RAB12: variants seen among roughly 807,000 people sequenced by gnomAD.
RAB12 encodes ras-related protein Rab-12.
In RAB12, 11 loss-of-function variants were observed where a neutral mutation model predicts 28.4. That is an observed-to-expected ratio of 0.39 (90% CI 0.24 to 0.64). The LOEUF is 0.64. Among genes scored for constraint, RAB12 ranks in the 30% least tolerant of loss-of-function variants. The pLI is 0.50. For synonymous variants in RAB12, 138 were observed against 145.3 expected, an observed-to-expected ratio of 0.95 and a Z score of 0.36; for missense variants, 276 against 351.1, an observed-to-expected ratio of 0.79 and a Z score of 1.71.
chr18:8,625,321 T>G (rs569556955), intron 2 of RAB12, among the ~76,000 whole-genome samples: 130 of 152,360 alleles, frequency 8.5e-4, no homozygotes, highest in African/African-American at 2.9e-3. Context: ...GCTCAAATGT[T>G]TGTCTTCATG....
intron 1 of RAB12, among the ~76,000 whole-genome samples, chr18:8,624,251 G>A (rs2096011476): frequency 6.6e-6 from 1 of 152,218 alleles, no homozygotes; most frequent in Non-Finnish European, 1.5e-5. Context: ...TAACTGGAAG[G>A]CATATAAGGT....
intron 1 of RAB12, among the ~76,000 whole-genome samples, chr18:8,614,713 G>A (rs1323437354): frequency 6.6e-6 from 1 of 152,074 alleles, no homozygotes; most frequent in Non-Finnish European, 1.5e-5. Flanking sequence ...AGCCTCCCAA[G>A]TAACTGGGAT....
At chr18:8,635,010 AAAG>A (rs2096018084) in intron 3 of RAB12, among the ~76,000 whole-genome samples, 1 of 152,380 alleles carries the variant, frequency 6.6e-6, no homozygotes, top group African/African-American at 2.4e-5. Flanking sequence ...GCACAAAAGT[AAAG>A]AAGAAATCTG....
At chr18:8,633,562 T>C (rs2096017163) in intron 3 of RAB12, among the ~76,000 whole-genome samples, 1 of 152,158 alleles carries the variant, frequency 6.6e-6, no homozygotes, top group Admixed American at 6.5e-5. Flanking sequence ...CTGTCTCAAC[T>C]ACAGAGGCCA....
chr18:8,622,949 C>G (rs577447630), intron 1 of RAB12, among the ~76,000 whole-genome samples: 1 of 152,308 alleles, frequency 6.6e-6, no homozygotes, highest in South Asian at 2.1e-4. Flanking sequence ...CTGTTCCGCC[C>G]GGCTCACCAG....
At chr18:8,638,118 A>T in intron 5 of RAB12, 31 bp from the exon 6 acceptor site, 1 of 1,492,280 alleles carries the variant, frequency 6.7e-7, no homozygotes, top group South Asian at 1.1e-5. Flanking sequence ...TAAAGTTAAA[A>T]CGGATTTTTT....
At chr18:8,616,462 T>C (rs1365635559) in intron 1 of RAB12, among the ~76,000 whole-genome samples, 1 of 151,958 alleles carries the variant, frequency 6.6e-6, no homozygotes, top group Non-Finnish European at 1.5e-5. Flanking sequence ...AGAAAATGTT[T>C]TCCCTCCAAC....
At chr18:8,632,282 C>CAA (rs397859076) in intron 2 of RAB12, among the ~76,000 whole-genome samples, 14 of 58,766 alleles carry the variant, frequency 2.4e-4, no homozygotes, top group South Asian at 6.7e-4. Context: ...ACTCTGTCTC[C>CAA]AAAAAAAAAA....
intron 1 of RAB12, among the ~76,000 whole-genome samples, chr18:8,619,539 C>G (rs966355481): frequency 6.6e-6 from 1 of 152,228 alleles, no homozygotes; most frequent in African/African-American, 2.4e-5. Flanking sequence ...AACAGCTTGG[C>G]TGTGGGAGCT....
At chr18:8,616,623 T>C (rs1234964154) in intron 1 of RAB12, among the ~76,000 whole-genome samples, 1 of 152,178 alleles carries the variant, frequency 6.6e-6, no homozygotes, top group Non-Finnish European at 1.5e-5. Context: ...CTTCAAGCCA[T>C]GTGTGTGGTA....
At chr18:8,634,780 G>T (rs956236663) in intron 3 of RAB12, among the ~76,000 whole-genome samples, 32 of 152,336 alleles carry the variant, frequency 2.1e-4, no homozygotes, top group Non-Finnish European at 3.8e-4. Context: ...CTGCGTAACT[G>T]GCCCACGGCC....
intron 1 of RAB12, 55 bp downstream of exon 1, chr18:8,610,008 C>T (rs1336388867): frequency 5.7e-6 from 8 of 1,411,114 alleles, no homozygotes; most frequent in Admixed American, 5.3e-5. Flanking sequence ...GGCAGGTGCC[C>T]TTCGCCCCGT....
intron 3 of RAB12, chr18:8,635,310 G>A: frequency 2.6e-6 from 1 of 379,460 alleles, no homozygotes; most frequent in Non-Finnish European, 4.7e-6. Context: ...ACAGCCAAGA[G>A]CATTGTGGTT....
intron 4 of RAB12, 57 bp from the exon 5 acceptor site, chr18:8,636,196 T>G (rs2096018796): frequency 8.6e-7 from 1 of 1,166,822 alleles, no homozygotes. Context: ...GACCTCATGC[T>G]CGCACGCTGG....
intron 1 of RAB12, among the ~76,000 whole-genome samples, chr18:8,622,949 C>T (rs577447630): frequency 3.9e-5 from 6 of 152,190 alleles, no homozygotes; most frequent in Admixed American, 3.3e-4. Context: ...CTGTTCCGCC[C>T]GGCTCACCAG....
At chr18:8,634,842 C>T (rs953673022) in intron 3 of RAB12, among the ~76,000 whole-genome samples, 17 of 152,134 alleles carry the variant, frequency 1.1e-4, no homozygotes, top group East Asian at 1.9e-4. Flanking sequence ...CTTTTTAGAA[C>T]GACAAGTTAG....
chr18:8,620,139 CTT>C (rs71165795), intron 1 of RAB12, among the ~76,000 whole-genome samples: 75 of 53,946 alleles, frequency 1.4e-3, no homozygotes, highest in African/African-American at 4.4e-3. Flanking sequence ...TTTTCTTCTT[CTT>C]TTTTTTTTTT....
In RAB12 at chr18:8,639,100, C is replaced by A. The variant is rs940347487; in HGVS notation, c.*838C>A. 1 of 135,874 alleles carries A rather than the reference C, an allele frequency of 7.4e-6. No individual in the cohort carries two copies. Among genetic ancestry groups the A allele is most frequent in the Non-Finnish European group, 1.5e-5 (1 of 65,336 alleles). 8.4% of individuals were successfully genotyped at this position (135,874 alleles called of 1,614,324 possible). A position where few individuals can be genotyped will look rare whatever the true frequency, so the allele number is the denominator to read the frequency against. ...TGTACCTTTGTAATGATAAAACTTC[C>A]CCCTTCTTTACGGTGAAGCTTATTC... On this transcript the variant is annotated 3_prime_UTR_variant, in exon 6 of 6. Transcript: ENST00000649141.
chr18:8,611,588 G>C (rs1275263491), intron 1 of RAB12, among the ~76,000 whole-genome samples: 2 of 152,160 alleles, frequency 1.3e-5, no homozygotes, highest in African/African-American at 4.8e-5. Context: ...GCGAGACCTT[G>C]ACCGCCATGC....
Sources: gnomAD v4.1 joint callset for allele counts (sites outside exome capture counted in the v4.1 genomes callset) on GRCh38, gnomAD v4.1.1 for gene constraint, MANE v1.5 for transcripts, NCBI Gene and HGNC (gene_info 2026-07-23, HGNC 2026-07-21) for gene names.